The following RPS6KC1 variants were observed in gnomAD, a reference collection of about 807,000 sequenced individuals.
RPS6KC1 encodes inactive ribosomal protein S6 kinase delta-1.
RPS6KC1 carries 54 observed loss-of-function variants against 103.8 expected under a neutral mutation model. The observed-to-expected ratio is 0.52, with a 90% CI of 0.42 to 0.65. RPS6KC1 has a LOEUF of 0.65. Among genes scored for constraint, RPS6KC1 ranks in the 30% least tolerant of loss-of-function variants. RPS6KC1 has a pLI of 0.00. For synonymous variants in RPS6KC1, 439 were observed against 438.7 expected (o/e 1.00, Z -0.01); for missense variants, 1,151 against 1,253.8 (o/e 0.92, Z 1.24).
chr1:213,424,524 C>T, the RPS6KC1 span, among the ~76,000 whole-genome samples: 1 of 152,218 alleles, frequency 6.6e-6, no homozygotes. Flanking sequence ...GGCTGGTGCC[C>T]TTGTGTTACT....
intron 3 of RPS6KC1, among the ~76,000 whole-genome samples, chr1:213,081,787 A>G (rs1174619938): frequency 4.6e-5 from 7 of 152,082 alleles, no homozygotes; most frequent in Non-Finnish European, 8.8e-5. Flanking sequence ...GCCAAAAACT[A>G]GTAAGCATGA....
chr1:213,554,721 C>T, the RPS6KC1 span, among the ~76,000 whole-genome samples: 8 of 152,182 alleles, frequency 5.3e-5, no homozygotes, highest in South Asian at 2.1e-4. Flanking sequence ...GTTTAACCAC[C>T]GTTCTGATTA....
chr1:213,242,893 A>C (rs866119279), intron 12 of RPS6KC1, among the ~76,000 whole-genome samples: 1 of 152,202 alleles, frequency 6.6e-6, no homozygotes, highest in Non-Finnish European at 1.5e-5. Flanking sequence ...AAATGAGTTT[A>C]ATACCTCATT....
chr1:213,241,167 A>C lies in RPS6KC1; in HGVS notation c.1691A>C (p.Gln564Pro). Residue 564 changes from glutamine to proline, a missense_variant, in exon 11 of 15, where the codon CAG (glutamine) becomes CCG (proline). Gln to Pro is a moderately conservative substitution (Grantham distance 76, BLOSUM62 -1). Around this residue, in one of 3 missense-constraint regions of RPS6KC1, gnomAD observed 959 missense variants for 1,006.3 expected, o/e 0.95. Transcript: ENST00000366960. The part of the protein sequence containing the change: ...LAADSDSPST[Q>P]LRAHELKFFP... ...GCTGACAGTGACAGCCCCAGCACAC[A>C]GCTGAGAGCTCACGAGCTGAAGTTC... 1 of 1,613,924 alleles carries C rather than the reference A, an allele frequency of 6.2e-7. No individual in the cohort carries two copies. The highest frequency in any genetic ancestry group is 8.5e-7 in the Non-Finnish European group (1 of 1,179,944).
At chr1:213,291,257 C>T in the RPS6KC1 span, among the ~76,000 whole-genome samples, 1 of 152,200 alleles carries the variant, frequency 6.6e-6, no homozygotes, top group South Asian at 2.1e-4. Flanking sequence ...TAGATTCCTT[C>T]CAACTTCTTT....
At chr1:213,571,783 C>G in the RPS6KC1 span, among the ~76,000 whole-genome samples, 1 of 152,196 alleles carries the variant, frequency 6.6e-6, no homozygotes, top group Non-Finnish European at 1.5e-5. Flanking sequence ...ACTTTAGGTC[C>G]TAACTAGAAC....
At chr1:213,559,216 A>G in the RPS6KC1 span, among the ~76,000 whole-genome samples, 2 of 152,210 alleles carry the variant, frequency 1.3e-5, no homozygotes, top group Non-Finnish European at 2.9e-5. Flanking sequence ...AAGGTCTCCC[A>G]CTGAATTAGT....
At chr1:213,309,074 G>A in the RPS6KC1 span, among the ~76,000 whole-genome samples, 1 of 152,030 alleles carries the variant, frequency 6.6e-6, no homozygotes, top group African/African-American at 2.4e-5. Context: ...GGTGGATCAC[G>A]AGGTCAGGAG....
At chr1:213,696,964 A>G in the RPS6KC1 span, among the ~76,000 whole-genome samples, 1 of 152,238 alleles carries the variant, frequency 6.6e-6, no homozygotes, top group African/African-American at 2.4e-5. Flanking sequence ...AGTCGCAAGT[A>G]GACAAGAGGC....
At chr1:213,708,803 G>A in the RPS6KC1 span, among the ~76,000 whole-genome samples, 257 of 152,316 alleles carry the variant, frequency 1.7e-3, 8 homozygotes, top group East Asian at 0.042. Flanking sequence ...CATCTATTGA[G>A]ATAATCATGT....
intron 6 of RPS6KC1, among the ~76,000 whole-genome samples, chr1:213,130,099 CAATT>C (rs1374657292): frequency 6.6e-6 from 1 of 152,072 alleles, no homozygotes; most frequent in Non-Finnish European, 1.5e-5. Context: ...TACTTTTAAT[CAATT>C]AATCCACAAA....
chr1:213,647,712 G>A, the RPS6KC1 span, among the ~76,000 whole-genome samples: 2 of 152,214 alleles, frequency 1.3e-5, no homozygotes, highest in East Asian at 1.9e-4. Flanking sequence ...TGTTCACAGC[G>A]TCCCTAGTGC....
chr1:213,306,094 A>G, the RPS6KC1 span, among the ~76,000 whole-genome samples: 2 of 152,206 alleles, frequency 1.3e-5, no homozygotes, highest in Admixed American at 1.3e-4. Context: ...TTGAAGATCC[A>G]GTCGGCTTGG....
the RPS6KC1 span, among the ~76,000 whole-genome samples, chr1:213,635,252 A>G: frequency 6.6e-6 from 1 of 152,142 alleles, no homozygotes; most frequent in Non-Finnish European, 1.5e-5. Flanking sequence ...AAAAGAGGGA[A>G]TCCTCCCTAA....
At chr1:213,120,121 T>C (rs2084215772) in intron 5 of RPS6KC1, among the ~76,000 whole-genome samples, 1 of 152,200 alleles carries the variant, frequency 6.6e-6, no homozygotes, top group Non-Finnish European at 1.5e-5. Flanking sequence ...AACATTTCTG[T>C]CAAAAACACG....
the RPS6KC1 span, among the ~76,000 whole-genome samples, chr1:213,486,819 C>A: frequency 0.74 from 113,087 of 152,120 alleles, 42,713 homozygotes; most frequent in East Asian, 0.98. Context: ...GCTTACAAAG[C>A]GTGAGAAACA....
the RPS6KC1 span, among the ~76,000 whole-genome samples, chr1:213,611,296 T>C: frequency 1.3e-5 from 2 of 152,184 alleles, no homozygotes; most frequent in Admixed American, 1.3e-4. Flanking sequence ...GATAAATTTC[T>C]TCTGTCTTCT....
the RPS6KC1 span, among the ~76,000 whole-genome samples, chr1:213,739,496 C>T: frequency 6.6e-6 from 1 of 151,992 alleles, no homozygotes; most frequent in Admixed American, 6.6e-5. Context: ...GAGAACTTAT[C>T]AAAGAATTAA....
intron 3 of RPS6KC1, among the ~76,000 whole-genome samples, chr1:213,090,997 A>G (rs1373055866): frequency 2.0e-5 from 3 of 152,136 alleles, no homozygotes; most frequent in East Asian, 3.8e-4. Flanking sequence ...GAGATATGTT[A>G]TTTTGGTTGA....
Sources: allele counts gnomAD v4.1 joint callset (sites outside exome capture counted in the v4.1 genomes callset), GRCh38; gene constraint gnomAD v4.1.1; regional missense constraint gnomAD v4.1.1; transcripts MANE v1.5; gene names NCBI Gene and HGNC (gene_info 2026-07-23, HGNC 2026-07-21).